Variants in CPED1 observed in about 807,000 individuals in gnomAD.
The protein encoded by CPED1 is cadherin like and PC-esterase domain containing 1.
A neutral mutation model predicts 128.2 loss-of-function variants in CPED1; 114 were observed. That is an observed-to-expected ratio of 0.89 (90% CI 0.76 to 1.04). CPED1 has a LOEUF of 1.04. Among genes scored for constraint, CPED1 ranks in the 50% least tolerant of loss-of-function variants. The pLI is 0.00. For synonymous variants in CPED1, 462 were observed against 426.7 expected (o/e 1.08, Z -1.02); for missense variants, 1,211 against 1,207.1 (o/e 1.00, Z -0.05).
chr7:120,992,535 A>G (rs757406636), intron 2 of CPED1, among the ~76,000 whole-genome samples: 5 of 152,220 alleles, frequency 3.3e-5, no homozygotes, highest in African/African-American at 7.2e-5. Context: ...CTTAACAACC[A>G]GTATGTTTAC....
At position 121,271,276 on chromosome 7, in the gene CPED1, C is replaced by A; in HGVS notation, c.2722-8C>A. 1.9e-6 allele frequency: 3 copies of A among 1,597,120 alleles called. No homozygotes were observed. Among genetic ancestry groups the A allele is most frequent in the Non-Finnish European group, 2.6e-6 (3 of 1,170,382 alleles). ...ATAAAAATTCTCATTCTTCTGCTTT[C>A]CAATCAGAGTGAAGTACAGAACTTA... is the stretch of plus-strand genomic sequence containing the variant. On this transcript the variant is annotated splice_region_variant and splice_polypyrimidine_tract_variant and intron_variant, in intron 21 of 22. Coordinates refer to ENST00000310396, the MANE Select transcript of CPED1 (RefSeq NM_024913.5).
At chr7:121,083,008 G>T (rs1438246893) in intron 5 of CPED1, among the ~76,000 whole-genome samples, 1 of 152,152 alleles carries the variant, frequency 6.6e-6, no homozygotes, top group Non-Finnish European at 1.5e-5. Context: ...AAGACTGTCT[G>T]TCTTTCTCTT....
chr7:121,000,817 A>G (rs970435858), intron 2 of CPED1, among the ~76,000 whole-genome samples: 3 of 152,184 alleles, frequency 2.0e-5, no homozygotes, highest in Non-Finnish European at 4.4e-5. Context: ...TTCCAGCTTT[A>G]TCCTAGCTAT....
intron 17 of CPED1, among the ~76,000 whole-genome samples, chr7:121,238,253 C>T (rs912210936): frequency 1.3e-5 from 2 of 152,048 alleles, no homozygotes; most frequent in Non-Finnish European, 2.9e-5. Flanking sequence ...AGAGAAGGCC[C>T]CAAATTGACT....
chr7:121,258,549 AG>A (rs1430382514), intron 18 of CPED1, among the ~76,000 whole-genome samples: 1 of 152,030 alleles, frequency 6.6e-6, no homozygotes, highest in Non-Finnish European at 1.5e-5. Flanking sequence ...TTTTTGCAAA[AG>A]CATCTACTCT....
At chr7:121,076,216 G>A (rs1229514050) in intron 5 of CPED1, among the ~76,000 whole-genome samples, 2 of 152,114 alleles carry the variant, frequency 1.3e-5, no homozygotes, top group African/African-American at 2.4e-5. Context: ...TTATGAGCTC[G>A]ATATTGAGCT....
chr7:121,079,777 G>A (rs746681950), intron 5 of CPED1, among the ~76,000 whole-genome samples: 25 of 152,208 alleles, frequency 1.6e-4, no homozygotes, highest in Non-Finnish European at 2.2e-4. Context: ...ACTGATTTGG[G>A]AAATTTTATG....
chr7:121,282,877 A>C (rs574940624), intron 22 of CPED1, among the ~76,000 whole-genome samples: 1 of 152,324 alleles, frequency 6.6e-6, no homozygotes, highest in East Asian at 1.9e-4. Context: ...TAGGGACCAT[A>C]TCTGAATTAC....
At chr7:121,060,320 G>A (rs368547212) in intron 4 of CPED1, among the ~76,000 whole-genome samples, 2 of 152,370 alleles carry the variant, frequency 1.3e-5, no homozygotes, top group South Asian at 2.1e-4. Context: ...TGAGGAGTGC[G>A]GGCGCACGGC....
intron 20 of CPED1, 150 bp from the exon 21 acceptor site, chr7:121,267,065 T>G (rs907588524): frequency 1.6e-6 from 1 of 614,522 alleles, no homozygotes; most frequent in Non-Finnish European, 2.9e-6. Flanking sequence ...AAAAACCGTA[T>G]TATACATCAA....
chr7:121,126,967 A>C (rs1355347284), intron 9 of CPED1, 123 bp from the exon 10 acceptor site: 4 of 625,710 alleles, frequency 6.4e-6, no homozygotes, highest in Admixed American at 3.6e-5. Flanking sequence ...ACTTCCAAAA[A>C]GACCACTAGA....
At chr7:121,283,922 T>C (rs761811022) in intron 22 of CPED1, among the ~76,000 whole-genome samples, 2 of 152,228 alleles carry the variant, frequency 1.3e-5, no homozygotes, top group Non-Finnish European at 2.9e-5. Context: ...TTATACTGTT[T>C]AGTGAAACAC....
At position 121,015,655 on chromosome 7, in the gene CPED1, C is replaced by G; in HGVS notation, c.250-10C>G. 6.3e-7 allele frequency: 1 copy of G among 1,591,398 alleles called. No homozygotes were observed. ...TTTTTATATTGAATTTTTATGCCTT[C>G]TTTTCTTAGGTCAAAGAATCAATGG... On this transcript the variant is annotated splice_polypyrimidine_tract_variant and intron_variant, in intron 2 of 22. Transcript: ENST00000310396.
intron 16 of CPED1, among the ~76,000 whole-genome samples, chr7:121,216,245 T>G (rs968757635): frequency 6.8e-6 from 1 of 147,858 alleles, no homozygotes; most frequent in African/African-American, 2.5e-5. Context: ...TTCTGCTGTC[T>G]TGTGTGCGTG....
Position 120,989,728 on chromosome 7 carries a change from G to A in CPED1, c.107G>A (p.Arg36Gln). ...CTCTTCTACCAGACTCTGACCCTCC[G>A]AGGGTCGAGGAAGCTCACAGCCGCT... ...ICLFYQTLTL[R>Q]GSRKLTAAAP... is the part of the protein sequence containing the mutation. Residue 36 changes from arginine to glutamine, a missense_variant, in exon 2 of 23, where the codon CGA becomes CAA. Arg to Gln is a conservative substitution (Grantham distance 43, BLOSUM62 1). Coordinates refer to ENST00000310396, the MANE Select transcript of CPED1 (RefSeq NM_024913.5). The A allele has an allele frequency of 1.2e-6, 2 of 1,613,906 alleles. No homozygotes were observed. Among genetic ancestry groups the A allele is most frequent in the Non-Finnish European group, 1.7e-6 (2 of 1,180,002 alleles).
At chr7:121,135,930 A>G in intron 13 of CPED1, 110 bp from the exon 14 acceptor site, 1 of 826,040 alleles carries the variant, frequency 1.2e-6, no homozygotes, top group East Asian at 3.5e-5. Flanking sequence ...CTAGTATAAT[A>G]AAAGTTAAAT....
At chr7:121,232,550 T>G (rs1798162084) in intron 16 of CPED1, among the ~76,000 whole-genome samples, 1 of 152,106 alleles carries the variant, frequency 6.6e-6, no homozygotes, top group Admixed American at 6.6e-5. Flanking sequence ...ATCTCAAATA[T>G]ATCTTACTTC....
intron 16 of CPED1, among the ~76,000 whole-genome samples, chr7:121,165,292 C>A (rs1796498918): frequency 6.6e-6 from 1 of 152,042 alleles, no homozygotes; most frequent in Admixed American, 6.5e-5. Flanking sequence ...TTTCTTGTTT[C>A]TTTTTGGTGT....
chr7:121,140,476 T>C (rs1795875933), intron 14 of CPED1, among the ~76,000 whole-genome samples: 1 of 152,060 alleles, frequency 6.6e-6, no homozygotes, highest in African/African-American at 2.4e-5. Context: ...CCCACTTACA[T>C]AGTTGCTTGA....
Sources: gnomAD v4.1 joint callset for allele counts (sites outside exome capture counted in the v4.1 genomes callset) on GRCh38, gnomAD v4.1.1 for gene constraint, MANE v1.5 for transcripts, NCBI Gene and HGNC (gene_info 2026-07-23, HGNC 2026-07-21) for gene names.